Variants in TANC1 observed in about 807,000 individuals in gnomAD.
The protein encoded by TANC1 is tetratricopeptide repeat, ankyrin repeat and coiled-coil containing 1.
In TANC1, 77 loss-of-function variants were observed where a neutral mutation model predicts 149.7. That is an observed-to-expected ratio of 0.51 (90% CI 0.43 to 0.62). TANC1 has a LOEUF of 0.62. TANC1 is among the 20% of genes least tolerant of loss of function. The pLI, the probability that TANC1 is intolerant of heterozygous loss-of-function variation, is 0.00. For missense variants in TANC1, 1,985 were observed against 2,321.8 expected (o/e 0.85, Z 2.98); for synonymous variants, 854 against 925.0 (o/e 0.92, Z 1.39).
intron 2 of TANC1, among the ~76,000 whole-genome samples, chr2:159,012,075 C>A (rs2037830542): frequency 6.6e-6 from 1 of 152,178 alleles, no homozygotes; most frequent in South Asian, 2.1e-4. Context: ...GGGGTGCTGT[C>A]CTCATAGAAG....
intron 4 of TANC1, among the ~76,000 whole-genome samples, chr2:159,098,656 A>G (rs955914416): frequency 6.6e-6 from 1 of 152,122 alleles, no homozygotes; most frequent in African/African-American, 2.4e-5. Context: ...GGTGGGGGAA[A>G]CAGACTTTGG....
chr2:159,026,816 C>G (rs1242501081), intron 2 of TANC1, among the ~76,000 whole-genome samples: 2 of 152,062 alleles, frequency 1.3e-5, no homozygotes, highest in Non-Finnish European at 2.9e-5. Context: ...GGGCAGCAAC[C>G]CCATGAAGGG....
chr2:158,985,631 C>T (rs1050822380), intron 1 of TANC1, among the ~76,000 whole-genome samples: 1 of 152,098 alleles, frequency 6.6e-6, no homozygotes, highest in Non-Finnish European at 1.5e-5. Flanking sequence ...CTCTGGTTGA[C>T]TGGGCCCACC....
chr2:159,040,063 A>G (rs545838872), intron 2 of TANC1, among the ~76,000 whole-genome samples: 1 of 152,332 alleles, frequency 6.6e-6, no homozygotes, highest in East Asian at 1.9e-4. Context: ...TATTTAGGAT[A>G]GTTAGCTCTT....
At chr2:159,220,731 C>T (rs1340259602) in intron 22 of TANC1, among the ~76,000 whole-genome samples, 6 of 152,114 alleles carry the variant, frequency 3.9e-5, no homozygotes, top group Non-Finnish European at 7.4e-5. Flanking sequence ...GCTGGGAATA[C>T]AGGCATGCAC....
At chr2:159,019,370 C>G (rs1305993250) in intron 2 of TANC1, among the ~76,000 whole-genome samples, 1 of 152,204 alleles carries the variant, frequency 6.6e-6, no homozygotes, top group Non-Finnish European at 1.5e-5. Context: ...ACTGCTGGCA[C>G]TTGCAAATTT....
chr2:158,991,091 CAAAA>C lies in TANC1; in HGVS notation c.-125-9968_-125-9965del, dbSNP rs34411224. On this transcript the variant is annotated intron_variant, in intron 1 of 26. Transcript: ENST00000263635. ...TGGGTGACAGAGCCAGATCCTGTGT[CAAAA>C]AAAAAAAAAAAAAAAAAAAAGTAGA... 2.0e-4 allele frequency among the ~76,000 whole-genome samples: 14 copies of C among 70,172 alleles called. 1 individual carries two copies. The East Asian group carries it at 6.0e-3, about 30-fold the overall frequency. The allele number at this position is 70,172 out of a possible 152,430, so 46.0% of individuals were successfully genotyped here.
chr2:159,047,968 A>G (rs542249424), intron 2 of TANC1, among the ~76,000 whole-genome samples: 35 of 152,334 alleles, frequency 2.3e-4, no homozygotes, highest in African/African-American at 8.2e-4. Context: ...CATGCTAGGT[A>G]TAGTCCTACA....
At chr2:159,025,234 TTTC>T (rs1286283631) in intron 2 of TANC1, among the ~76,000 whole-genome samples, 2 of 149,052 alleles carry the variant, frequency 1.3e-5, no homozygotes, top group Non-Finnish European at 3.0e-5. Context: ...TCTTTCTTTC[TTTC>T]TTTTCTCCTT....
chr2:159,124,155 C>T (rs1158439489), intron 4 of TANC1, among the ~76,000 whole-genome samples: 4 of 151,924 alleles, frequency 2.6e-5, no homozygotes, highest in Admixed American at 6.6e-5. Flanking sequence ...GTCTGGTGTT[C>T]GAGACCAGCC....
chr2:159,219,526 C>A, intron 21 of TANC1, 165 bp downstream of exon 21: 2 of 1,232,218 alleles, frequency 1.6e-6, no homozygotes, highest in Non-Finnish European at 2.3e-6. Flanking sequence ...TGGTATTCCT[C>A]TTCAGCAGCG....
chr2:158,991,168 A>G (rs2035591335), intron 1 of TANC1, among the ~76,000 whole-genome samples: 1 of 151,894 alleles, frequency 6.6e-6, no homozygotes, highest in South Asian at 2.1e-4. Context: ...ATTAAAATAC[A>G]CTGTTACTGA....
chr2:159,097,587 A>G, intron 3 of TANC1, 50 bp from the exon 4 acceptor site: 4 of 1,409,776 alleles, frequency 2.8e-6, no homozygotes, highest in Non-Finnish European at 4.0e-6. Flanking sequence ...AATTTGCATC[A>G]ACTTATAATG....
Position 159,229,761 on chromosome 2 carries a change from C to T in TANC1, c.4335C>T (p.Thr1445=), listed in dbSNP as rs1357886507. Residue 1445 remains threonine, a synonymous_variant, in exon 27 of 27, where the codon ACC becomes ACT. Coordinates refer to ENST00000263635, the MANE Select transcript of TANC1 (RefSeq NM_033394.3). ...PLNDSENEED[T]PTPGLSDHFH... ...ACGACTCCGAGAACGAAGAGGACAC[C>T]CCAACCCCTGGCTTAAGTGACCACT... The T allele has an allele frequency of 1.2e-6, 2 of 1,614,008 alleles. No individual in the cohort carries two copies. The highest frequency in any genetic ancestry group is 2.2e-5 in the East Asian group (1 of 44,868).
At position 159,132,985 on chromosome 2, in the gene TANC1, A is replaced by G. The variant is rs73969459; in HGVS notation, c.260-3209A>G. On this transcript the variant is annotated intron_variant, in intron 4 of 26. Transcript: ENST00000263635. ...ACTGGGTTCCAGGATCCAGACATTT[A>G]CAATAACCATCATACATTAATGAAA... Among the ~76,000 whole-genome samples the G allele has an allele frequency of 6.7e-3, 1,016 of 152,274 alleles. 9 individuals are homozygous for G. Among genetic ancestry groups the G allele is most frequent in the African/African-American group, 0.023 (962 of 41,536 alleles).
intron 2 of TANC1, among the ~76,000 whole-genome samples, chr2:159,063,907 C>T (rs976430191): frequency 2.6e-5 from 4 of 152,062 alleles, no homozygotes; most frequent in East Asian, 1.9e-4. Context: ...GGTGATTAAT[C>T]GGGAGCAGCT....
intron 3 of TANC1, among the ~76,000 whole-genome samples, chr2:159,079,793 A>T (rs2044072591): frequency 6.6e-6 from 1 of 152,182 alleles, no homozygotes; most frequent in African/African-American, 2.4e-5. Context: ...ATTTCAAAAC[A>T]CAAATGAGAA....
In TANC1 at chr2:159,229,610, A is replaced by G. The variant is rs776423039; in HGVS notation, c.4184A>G (p.Glu1395Gly). 4.3e-6 allele frequency: 7 copies of G among 1,613,510 alleles called. No homozygotes were observed. In the Admixed American group the frequency reaches 1.2e-4, roughly 27 times the overall value. The change falls in exon 27 of 27, where the codon GAG (glutamate) becomes GGG (glycine). Residue 1395 changes from glutamate (E) to glycine (G), a missense_variant. By Grantham distance (98) the Glu-to-Gly change is moderately conservative (BLOSUM62 -2). Around this residue, in one of 3 missense-constraint regions of TANC1, gnomAD observed 920 missense variants for 994.7 expected, o/e 0.92. Transcript: ENST00000263635. ...QFVAALADLQ[E>G]AVKLCPTNQE... ...GTGGCAGCTCTGGCTGACCTGCAAGAGGCTGTGAAACTCTGTCCCACCAAT... is the reference window on the plus strand; with the variant it reads ...GTGGCAGCTCTGGCTGACCTGCAAGGGGCTGTGAAACTCTGTCCCACCAAT...
intron 3 of TANC1, among the ~76,000 whole-genome samples, chr2:159,090,496 C>T (rs2149849950): frequency 6.6e-6 from 1 of 152,298 alleles, no homozygotes; most frequent in African/African-American, 2.4e-5. Flanking sequence ...AACAGCCTCG[C>T]TCGGCAGGGA....
Sources: allele counts gnomAD v4.1 joint callset (sites outside exome capture counted in the v4.1 genomes callset), GRCh38; gene constraint gnomAD v4.1.1; regional missense constraint gnomAD v4.1.1; transcripts MANE v1.5; gene names NCBI Gene and HGNC (gene_info 2026-07-23, HGNC 2026-07-21).